Variants in B3GALT1 observed in about 807,000 individuals in gnomAD.
B3GALT1 encodes the protein UDP-Gal:betaGlcNAc beta 1,3-galactosyltransferase, polypeptide 1.
Under a neutral mutation model 23.2 loss-of-function variants are expected in B3GALT1, and 10 were observed. The observed-to-expected ratio is 0.43, with a 90% CI of 0.27 to 0.73. The LOEUF (loss-of-function observed/expected upper bound fraction) is 0.73, where lower values mean the gene tolerates loss of function less well. Ranked by LOEUF, B3GALT1 falls within the 30% of genes least tolerant of loss-of-function variation. The pLI is 0.21. For missense variants in B3GALT1, 299 were observed against 405.4 expected (o/e 0.74, Z 2.25); for synonymous variants, 156 against 141.5 (o/e 1.10, Z -0.73).
chr2:167,370,580 T>A (rs1315871788), intron 1 of B3GALT1, among the ~76,000 whole-genome samples: 1 of 152,108 alleles, frequency 6.6e-6, no homozygotes, highest in African/African-American at 2.4e-5. Flanking sequence ...CTACTTCTGA[T>A]GGAAAGACAT....
chr2:167,715,657 C>T (rs1478988870), intron 3 of B3GALT1: 6 of 1,613,544 alleles, frequency 3.7e-6, no homozygotes, highest in Non-Finnish European at 5.1e-6. Context: ...CAGAATTGGA[C>T]CTGTTCAGCT....
chr2:167,409,090 T>C (rs1211340535), intron 1 of B3GALT1, among the ~76,000 whole-genome samples: 1 of 152,156 alleles, frequency 6.6e-6, no homozygotes, highest in Non-Finnish European at 1.5e-5. Flanking sequence ...AAAGACTAAA[T>C]CTAGAGACAT....
intron 3 of B3GALT1, among the ~76,000 whole-genome samples, chr2:167,799,946 A>G (rs546177833): frequency 2.7e-5 from 4 of 149,642 alleles, no homozygotes; most frequent in South Asian, 4.2e-4. Context: ...TATTAATGCA[A>G]TGTGTATGTA....
intron 3 of B3GALT1, among the ~76,000 whole-genome samples, chr2:167,653,249 A>C (rs547242402): frequency 1.8e-4 from 27 of 152,326 alleles, no homozygotes; most frequent in Non-Finnish European, 3.4e-4. Flanking sequence ...GTCTGAAGAA[A>C]TTAGGATTCA....
chr2:167,782,233 C>A (rs141643511), intron 3 of B3GALT1, among the ~76,000 whole-genome samples: 1 of 152,104 alleles, frequency 6.6e-6, no homozygotes, highest in Non-Finnish European at 1.5e-5. Context: ...TGAGCAGCAC[C>A]CACAGAGCAG....
intron 2 of B3GALT1, among the ~76,000 whole-genome samples, chr2:167,589,948 T>G (rs1684646225): frequency 6.6e-6 from 1 of 152,148 alleles, no homozygotes; most frequent in African/African-American, 2.4e-5. Context: ...TTCCTATCCT[T>G]AACTTTATCA....
At position 167,427,514 on chromosome 2, in the gene B3GALT1, A is replaced by G. The variant is rs145215049; in HGVS notation, c.-510-62663A>G. ...GAGTTCAGGCCTAAAATTTTTAGCC[A>G]CTTTGGATACTTTCATGTAGTCTTT... On this transcript the variant is annotated intron_variant, in intron 1 of 4. Transcript: ENST00000392690. Among the ~76,000 whole-genome samples, 610 of 152,318 alleles carry G rather than the reference A, an allele frequency of 4.0e-3. 4 individuals are homozygous for G. The highest frequency in any genetic ancestry group is 0.013 in the African/African-American group (559 of 41,584).
At chr2:167,444,221 T>A (rs1285931427) in intron 1 of B3GALT1, among the ~76,000 whole-genome samples, 2 of 152,228 alleles carry the variant, frequency 1.3e-5, no homozygotes, top group African/African-American at 4.8e-5. Context: ...TGAAGCCCAC[T>A]TGATCATGGT....
intron 1 of B3GALT1, among the ~76,000 whole-genome samples, chr2:167,415,868 T>C (rs922624260): frequency 1.3e-5 from 2 of 152,142 alleles, no homozygotes; most frequent in African/African-American, 4.8e-5. Flanking sequence ...AGCAATGAAT[T>C]AGGATATCTG....
intron 3 of B3GALT1, among the ~76,000 whole-genome samples, chr2:167,806,279 G>A (rs1298764850): frequency 6.6e-6 from 1 of 152,130 alleles, no homozygotes; most frequent in African/African-American, 2.4e-5. Context: ...TGCAAACAGG[G>A]ACAATTTGAC....
At chr2:167,501,869 C>A (rs1699853634) in intron 2 of B3GALT1, among the ~76,000 whole-genome samples, 1 of 152,064 alleles carries the variant, frequency 6.6e-6, no homozygotes, top group Non-Finnish European at 1.5e-5. Flanking sequence ...GAGACAAGTA[C>A]ATGAATGAAT....
At chr2:167,789,578 G>A (rs980787748) in intron 3 of B3GALT1, among the ~76,000 whole-genome samples, 2 of 151,960 alleles carry the variant, frequency 1.3e-5, no homozygotes, top group African/African-American at 4.8e-5. Context: ...AATTATTATT[G>A]AAAGGATGTT....
At chr2:167,486,807 A>G (rs1574099479) in intron 1 of B3GALT1, among the ~76,000 whole-genome samples, 1 of 152,328 alleles carries the variant, frequency 6.6e-6, no homozygotes, top group East Asian at 1.9e-4. Flanking sequence ...ACTGGCCAAA[A>G]GAAAGAATAG....
At chr2:167,409,992 G>A (rs1698365956) in intron 1 of B3GALT1, among the ~76,000 whole-genome samples, 1 of 152,072 alleles carries the variant, frequency 6.6e-6, no homozygotes, top group Admixed American at 6.5e-5. Flanking sequence ...ATTTATTGCA[G>A]CACTATTTAC....
At chr2:167,711,481 G>A (rs1687047486) in intron 3 of B3GALT1, among the ~76,000 whole-genome samples, 1 of 152,152 alleles carries the variant, frequency 6.6e-6, no homozygotes, top group African/African-American at 2.4e-5. Flanking sequence ...GTCACTGAAG[G>A]AACTACTGAC....
At chr2:167,530,181 A>G (rs1683302300) in intron 2 of B3GALT1, among the ~76,000 whole-genome samples, 2 of 152,098 alleles carry the variant, frequency 1.3e-5, no homozygotes. Flanking sequence ...TTTAATTCAG[A>G]TCTCTGTCCA....
At chr2:167,519,797 C>A (rs1358098021) in intron 2 of B3GALT1, among the ~76,000 whole-genome samples, 1 of 152,114 alleles carries the variant, frequency 6.6e-6, no homozygotes, top group Non-Finnish European at 1.5e-5. Context: ...ATTGGCCATG[C>A]ACGGTGGCTC....
intron 1 of B3GALT1, among the ~76,000 whole-genome samples, chr2:167,382,851 A>G (rs1319957642): frequency 1.3e-5 from 2 of 152,180 alleles, no homozygotes; most frequent in Non-Finnish European, 2.9e-5. Context: ...TGCCTTATTC[A>G]TAGATATCTC....
chr2:167,530,468 T>G lies in B3GALT1; in HGVS notation c.-410+40191T>G, dbSNP rs544020890. On this transcript the variant is annotated intron_variant, in intron 2 of 4. Coordinates refer to ENST00000392690, the MANE Select transcript of B3GALT1 (RefSeq NM_020981.4). ...GGAAAGAATGAAAGAATGAATGGTC[T>G]TCTTACAATGCAGTATATACATGCT... Among the ~76,000 whole-genome samples, 15 of 152,308 alleles carry G rather than the reference T, an allele frequency of 9.8e-5. No homozygotes were observed. In the East Asian group the frequency reaches 2.1e-3, roughly 22 times the overall value.
Sources: gnomAD v4.1 joint callset for allele counts (sites outside exome capture counted in the v4.1 genomes callset) on GRCh38, gnomAD v4.1.1 for gene constraint, MANE v1.5 for transcripts, NCBI Gene and HGNC (gene_info 2026-07-23, HGNC 2026-07-21) for gene names.